CCDC146: variants seen among roughly 807,000 people sequenced by gnomAD.
The protein encoded by CCDC146 is coiled-coil domain-containing protein 146.
Under a neutral mutation model 119.3 loss-of-function variants are expected in CCDC146, and 92 were observed. The ratio of observed to expected loss-of-function variants is 0.77; its 90% confidence interval spans 0.65 to 0.92. The LOEUF (loss-of-function observed/expected upper bound fraction) is 0.92, where lower values mean the gene tolerates loss of function less well. Among genes scored for constraint, CCDC146 ranks in the 40% least tolerant of loss-of-function variants. The pLI is 0.00. For synonymous variants in CCDC146, 372 were observed against 371.8 expected (o/e 1.00, Z -0.01); for missense variants, 1,000 against 1,103.0 (o/e 0.91, Z 1.32).
chr7:77,274,079 A>C (rs116084212), intron 10 of CCDC146, among the ~76,000 whole-genome samples: 2,025 of 152,326 alleles, frequency 0.013, 40 homozygotes, highest in African/African-American at 0.046. Context: ...ACCAATGTCT[A>C]ATTTCAAATT....
intron 1 of CCDC146, among the ~76,000 whole-genome samples, chr7:77,130,848 G>T (rs6943193): frequency 1.3e-5 from 2 of 148,690 alleles, no homozygotes. Context: ...CCGCCCGTCT[G>T]GGCCTCCCAA....
At chr7:77,149,209 C>CA (rs898065341) in intron 1 of CCDC146, among the ~76,000 whole-genome samples, 1 of 152,092 alleles carries the variant, frequency 6.6e-6, no homozygotes, top group African/African-American at 2.4e-5. Context: ...AGCAACCTGA[C>CA]AAAAATAAGC....
chr7:77,167,162 T>C (rs1791349176), intron 1 of CCDC146, among the ~76,000 whole-genome samples: 1 of 152,184 alleles, frequency 6.6e-6, no homozygotes, highest in Non-Finnish European at 1.5e-5. Flanking sequence ...ATATAGTTTC[T>C]GTTCTAAGAA....
At chr7:77,219,130 G>A (rs1792353394) in intron 2 of CCDC146, among the ~76,000 whole-genome samples, 1 of 152,076 alleles carries the variant, frequency 6.6e-6, no homozygotes, top group African/African-American at 2.4e-5. Flanking sequence ...GTAACAACTG[G>A]AAATGTGACA....
At chr7:77,237,904 A>G (rs989186959) in intron 3 of CCDC146, among the ~76,000 whole-genome samples, 1 of 151,940 alleles carries the variant, frequency 6.6e-6, no homozygotes, top group Non-Finnish European at 1.5e-5. Context: ...AGGGCCTTGC[A>G]TTGTATCTTC....
intron 2 of CCDC146, among the ~76,000 whole-genome samples, chr7:77,204,790 C>T (rs1180261423): frequency 6.6e-6 from 1 of 152,164 alleles, no homozygotes; most frequent in Non-Finnish European, 1.5e-5. Flanking sequence ...ATCTAATTTA[C>T]TGTCATTTCC....
intron 6 of CCDC146, chr7:77,257,763 C>T (rs996583295): frequency 5.9e-5 from 9 of 152,148 alleles, no homozygotes; most frequent in Non-Finnish European, 1.2e-4. Flanking sequence ...ATGACAACCT[C>T]GGGCAGGAAG....
chr7:77,293,333 T>G (rs887305376), intron 18 of CCDC146, 133 bp downstream of exon 18: 3 of 951,270 alleles, frequency 3.2e-6, no homozygotes, highest in Non-Finnish European at 3.1e-6. Context: ...TCGTTAGAAG[T>G]GTATTTAAGA....
At chr7:77,214,547 G>A (rs1384814928) in intron 2 of CCDC146, among the ~76,000 whole-genome samples, 1 of 152,036 alleles carries the variant, frequency 6.6e-6, no homozygotes, top group Non-Finnish European at 1.5e-5. Flanking sequence ...TTTTCTTTTA[G>A]GATTTATATA....
intron 10 of CCDC146, among the ~76,000 whole-genome samples, chr7:77,274,244 T>C (rs1359745026): frequency 6.6e-6 from 1 of 151,972 alleles, no homozygotes; most frequent in African/African-American, 2.4e-5. Context: ...TTAATTTTTA[T>C]TTTTTTTATA....
chr7:77,130,765 A>G (rs1393492072), intron 1 of CCDC146, among the ~76,000 whole-genome samples: 1 of 149,030 alleles, frequency 6.7e-6, no homozygotes. Flanking sequence ...TGCCCGGCTA[A>G]TTTTTGTATT....
At chr7:77,129,338 A>C (rs1414438242) in intron 1 of CCDC146, among the ~76,000 whole-genome samples, 1 of 152,038 alleles carries the variant, frequency 6.6e-6, no homozygotes. Flanking sequence ...TATTTTACTT[A>C]ATAATGGCTC....
chr7:77,182,377 T>C (rs944301596), intron 2 of CCDC146, among the ~76,000 whole-genome samples: 10 of 152,204 alleles, frequency 6.6e-5, no homozygotes, highest in Admixed American at 5.2e-4. Context: ...ATTTTTCAGC[T>C]CATAATACTT....
intron 4 of CCDC146, chr7:77,246,472 C>A (rs1792953871): frequency 6.6e-6 from 1 of 152,098 alleles, no homozygotes; most frequent in Non-Finnish European, 1.5e-5. Context: ...GTTGAAGCAC[C>A]CCTTAGTCAG....
intron 1 of CCDC146, among the ~76,000 whole-genome samples, chr7:77,130,210 A>G (rs1790760757): frequency 6.6e-6 from 1 of 152,146 alleles, no homozygotes. Context: ...TCAAACTGCA[A>G]AAGTTATAGC....
chr7:77,224,569 G>T (rs1440202534), intron 2 of CCDC146, among the ~76,000 whole-genome samples: 1 of 152,184 alleles, frequency 6.6e-6, no homozygotes, highest in Non-Finnish European at 1.5e-5. Context: ...CAGGGATTAG[G>T]ACATGCACAT....
chr7:77,252,236 A>T (rs2150503219), intron 4 of CCDC146, among the ~76,000 whole-genome samples: 1 of 152,290 alleles, frequency 6.6e-6, no homozygotes, highest in South Asian at 2.1e-4. Flanking sequence ...GCAGTAAGAG[A>T]AGAGAAGGTA....
intron 1 of CCDC146, among the ~76,000 whole-genome samples, chr7:77,140,355 C>G (rs1790915947): frequency 6.6e-6 from 1 of 151,926 alleles, no homozygotes; most frequent in Non-Finnish European, 1.5e-5. Context: ...TACTATAGAC[C>G]AGGTGACTTA....
chr7:77,257,992 TA>T (rs1793213298), intron 6 of CCDC146: 1 of 152,200 alleles, frequency 6.6e-6, no homozygotes, highest in Non-Finnish European at 1.5e-5. Context: ...CTAAGACAAC[TA>T]CTAATGGAGG....
Sources: gnomAD v4.1 joint callset for allele counts (sites outside exome capture counted in the v4.1 genomes callset) on GRCh38, gnomAD v4.1.1 for gene constraint, MANE v1.5 for transcripts, NCBI Gene and HGNC (gene_info 2026-07-23, HGNC 2026-07-21) for gene names.